Variants in SPEF2 observed in about 807,000 individuals in gnomAD.
SPEF2 encodes the protein sperm flagellar and cilia associated 2, also known as sperm flagella and cilia-associated protein 2.
SPEF2 carries 187 observed loss-of-function variants against 224.6 expected under a neutral mutation model. The observed-to-expected ratio is 0.83, with a 90% confidence interval of 0.74 to 0.94. The LOEUF (loss-of-function observed/expected upper bound fraction) is 0.94. Ranked by LOEUF, SPEF2 falls within the 40% of genes least tolerant of loss-of-function variation. The pLI, the probability that SPEF2 is intolerant of heterozygous loss-of-function variation, is 0.00. For synonymous variants in SPEF2, 715 were observed against 707.3 expected (o/e 1.01, Z -0.17); for missense variants, 2,170 against 2,135.6 (o/e 1.02, Z -0.32).
chr5:35,684,912 C>T (rs972995697), intron 10 of SPEF2, among the ~76,000 whole-genome samples: 5 of 152,130 alleles, frequency 3.3e-5, no homozygotes, highest in Non-Finnish European at 5.9e-5. Context: ...TCTACAGCTT[C>T]TGTTTTCTTA....
At chr5:35,730,044 G>A (rs755921276) in intron 21 of SPEF2, among the ~76,000 whole-genome samples, 4 of 152,212 alleles carry the variant, frequency 2.6e-5, no homozygotes, top group Admixed American at 2.6e-4. Context: ...CAGATGCCCA[G>A]TTCAACTTGG....
At position 35,800,060 on chromosome 5, in the gene SPEF2, C is replaced by A; in HGVS notation, c.4923C>A (p.Thr1641=). Residue 1641 remains threonine, a synonymous_variant, in exon 34 of 37, where the codon ACC becomes ACA. Coordinates refer to ENST00000356031, the MANE Select transcript of SPEF2 (RefSeq NM_024867.4). ...TTTACTTTGCTTGCCACCCAGACAC[C>A]GTGGAAGGAGTCTACAGGGCCCTCA... The part of the protein sequence containing the change: ...MLLYFACHPD[T]VEGVYRALSV... 6.2e-7 allele frequency: 1 copy of A among 1,614,102 alleles called. No individual in the cohort carries two copies.
In SPEF2 at chr5:35,695,850, A is replaced by G. The variant is rs115333691; in HGVS notation, c.2037+54A>G. On this transcript the variant is annotated intron_variant, in intron 14 of 36. Transcript: ENST00000356031. ...TAACATATTAAAACCTGTCATGATT[A>G]ATGGTGTTTTGGAGTGTCTTCGAAT... The G allele has an allele frequency of 1.7e-3, 2,392 of 1,400,690 alleles. 27 individuals carry two copies. The African/African-American group carries it at 0.031, about 18-fold the overall frequency. 86.8% of individuals were successfully genotyped at this position (1,400,690 alleles called of 1,614,324 possible). A position where few individuals can be genotyped will look rare whatever the true frequency, so the allele number is the denominator to read the frequency against.
Position 35,712,812 on chromosome 5 carries a change from A to G in SPEF2, c.2840A>G (p.Glu947Gly), listed in dbSNP as rs946817949. Residue 947 changes from glutamate (E) to glycine (G), a missense_variant and splice_region_variant, in exon 20 of 37, where the codon GAA becomes GGA. Coordinates refer to ENST00000356031, the MANE Select transcript of SPEF2 (RefSeq NM_024867.4). ...TTTTTGTGTGTCGAATTTTGTTTAG[A>G]AGCCCCGCATGGTAAGCAAGAATCT... ...TPTAKGKPQSEAPHGKQESLQ... is the reference protein window; with the variant it reads ...TPTAKGKPQSGAPHGKQESLQ... 1.2e-6 allele frequency: 2 copies of G among 1,613,684 alleles called. No homozygotes were observed. The highest frequency in any genetic ancestry group is 1.7e-6 in the Non-Finnish European group (2 of 1,179,890).
chr5:35,664,756 GGAA>G (rs1261211039), intron 8 of SPEF2, among the ~76,000 whole-genome samples: 1 of 146,880 alleles, frequency 6.8e-6, no homozygotes, highest in Admixed American at 6.8e-5. Flanking sequence ...GAGAGAGGAA[GGAA>G]GGAGGAGAGA....
intron 23 of SPEF2, among the ~76,000 whole-genome samples, chr5:35,749,775 T>C (rs1341592001): frequency 6.6e-6 from 1 of 152,158 alleles, no homozygotes; most frequent in Non-Finnish European, 1.5e-5. Context: ...ATGATCATAC[T>C]GCCCAAAGCA....
At chr5:35,641,995 G>A (rs1746681451) in intron 3 of SPEF2, among the ~76,000 whole-genome samples, 1 of 151,958 alleles carries the variant, frequency 6.6e-6, no homozygotes, top group South Asian at 2.1e-4. Context: ...AAACTCCTGA[G>A]CTCAAGCAGT....
chr5:35,659,600 G>A (rs557837255), intron 8 of SPEF2, among the ~76,000 whole-genome samples: 3 of 152,222 alleles, frequency 2.0e-5, no homozygotes, highest in East Asian at 1.9e-4. Context: ...AAGTTTGGCT[G>A]TATATAAAAT....
chr5:35,674,647 G>T (rs533426752), intron 10 of SPEF2, among the ~76,000 whole-genome samples: 9 of 150,654 alleles, frequency 6.0e-5, no homozygotes, highest in South Asian at 4.2e-4. Context: ...TTATCCTTGC[G>T]ATAGTTTGCT....
intron 2 of SPEF2, among the ~76,000 whole-genome samples, chr5:35,633,664 T>G (rs1375453615): frequency 6.6e-6 from 1 of 152,008 alleles, no homozygotes; most frequent in Admixed American, 6.6e-5. Flanking sequence ...TTTAGGTATT[T>G]GTTGTGTATA....
chr5:35,720,360 G>A (rs1357038107), intron 20 of SPEF2, among the ~76,000 whole-genome samples: 1 of 152,156 alleles, frequency 6.6e-6, no homozygotes, highest in African/African-American at 2.4e-5. Context: ...TCTGAGTTCA[G>A]TCCATTTAGT....
intron 5 of SPEF2, 50 bp downstream of exon 5, chr5:35,646,857 T>C (rs754284688): frequency 2.5e-6 from 4 of 1,591,172 alleles, no homozygotes; most frequent in East Asian, 2.2e-5. Context: ...AACTAAAGAA[T>C]AGTCTGTCTC....
chr5:35,769,078 T>C (rs1379335216), intron 26 of SPEF2, among the ~76,000 whole-genome samples: 1 of 152,132 alleles, frequency 6.6e-6, no homozygotes, highest in Non-Finnish European at 1.5e-5. Context: ...AATTGGGAAT[T>C]ACATTAATTT....
At chr5:35,806,201 A>G (rs1758024963) in intron 34 of SPEF2, among the ~76,000 whole-genome samples, 3 of 152,186 alleles carry the variant, frequency 2.0e-5, no homozygotes, top group Non-Finnish European at 4.4e-5. Context: ...AGCAGCAGTA[A>G]AAATCCCAAC....
intron 36 of SPEF2, among the ~76,000 whole-genome samples, chr5:35,808,734 A>T (rs1404468978): frequency 1.3e-5 from 2 of 148,490 alleles, no homozygotes; most frequent in Non-Finnish European, 3.0e-5. Flanking sequence ...TTATATGTAT[A>T]TATATACACA....
chr5:35,654,858 T>C (rs1748744604), intron 7 of SPEF2, 132 bp downstream of exon 7: 1 of 692,090 alleles, frequency 1.4e-6, no homozygotes, highest in Non-Finnish European at 2.2e-6. Flanking sequence ...CACATCCTCA[T>C]CATAATAGCA....
intron 20 of SPEF2, among the ~76,000 whole-genome samples, chr5:35,718,344 G>T (rs1742995146): frequency 6.6e-6 from 1 of 152,134 alleles, no homozygotes; most frequent in South Asian, 2.1e-4. Context: ...AGAGGACAGA[G>T]GAGGAGAAAG....
chr5:35,762,950 C>A (rs1394036695), intron 25 of SPEF2, among the ~76,000 whole-genome samples: 1 of 152,108 alleles, frequency 6.6e-6, no homozygotes, highest in Non-Finnish European at 1.5e-5. Context: ...CTACCCCCAC[C>A]CACCATCAAA....
At chr5:35,637,075 G>A (rs1745939440) in intron 2 of SPEF2, among the ~76,000 whole-genome samples, 1 of 152,014 alleles carries the variant, frequency 6.6e-6, no homozygotes, top group African/African-American at 2.4e-5. Context: ...TTTGATGACT[G>A]CTAAACTGCT....
Sources: allele counts gnomAD v4.1 joint callset (sites outside exome capture counted in the v4.1 genomes callset), GRCh38; gene constraint gnomAD v4.1.1; transcripts MANE v1.5; gene names NCBI Gene and HGNC (gene_info 2026-07-23, HGNC 2026-07-21).